The following THADA variants were observed in gnomAD, a reference collection of about 807,000 sequenced individuals.
THADA encodes the protein THADA armadillo repeat containing.
Under a neutral mutation model 219.8 loss-of-function variants are expected in THADA, and 213 were observed. The observed-to-expected ratio is 0.97, with a 90% CI of 0.87 to 1.09. The LOEUF is 1.09. Ranked by LOEUF, THADA falls within the 50% of genes least tolerant of loss-of-function variation. The probability of loss-of-function intolerance (pLI) is 0.00; values close to 1 mark genes in which losing one functional copy is unlikely to be tolerated. For synonymous variants in THADA, 1,018 were observed against 828.9 expected (o/e 1.23, Z -3.92); for missense variants, 2,956 against 2,311.3 (o/e 1.28, Z -5.72).
intron 36 of THADA, among the ~76,000 whole-genome samples, chr2:43,235,241 A>G (rs545693380): frequency 6.6e-6 from 1 of 152,088 alleles, no homozygotes; most frequent in East Asian, 1.9e-4. Context: ...CAGCCTTCCA[A>G]TGCGCTGGGA....
At chr2:43,432,261 A>G (rs1679455864) in intron 26 of THADA, among the ~76,000 whole-genome samples, 1 of 152,166 alleles carries the variant, frequency 6.6e-6, no homozygotes, top group Non-Finnish European at 1.5e-5. Context: ...AAGTTCTGGG[A>G]TTACAGGCGT....
At chr2:43,552,153 C>T in intron 18 of THADA, 51 bp downstream of exon 18, 2 of 1,573,356 alleles carry the variant, frequency 1.3e-6, no homozygotes, top group Non-Finnish European at 1.7e-6. Context: ...GAGGTTAAAG[C>T]TCAGAAATGA....
intron 21 of THADA, among the ~76,000 whole-genome samples, chr2:43,535,484 G>T (rs1317354375): frequency 6.6e-6 from 1 of 151,366 alleles, no homozygotes; most frequent in Non-Finnish European, 1.5e-5. Context: ...TCTGAGACCA[G>T]TCTGGCCAAC....
intron 31 of THADA, among the ~76,000 whole-genome samples, chr2:43,296,977 G>C (rs1325968845): frequency 7.6e-6 from 1 of 132,234 alleles, no homozygotes; most frequent in Admixed American, 7.5e-5. Flanking sequence ...TGGGAAGTGA[G>C]GAGTGTCTCT....
chr2:43,280,006 A>C, intron 35 of THADA, 110 bp from the exon 36 acceptor site: 2 of 1,100,222 alleles, frequency 1.8e-6, no homozygotes, highest in Non-Finnish European at 2.4e-6. Flanking sequence ...AGTTACAGCT[A>C]TCTCTTTTTT....
intron 24 of THADA, 146 bp downstream of exon 24, chr2:43,505,476 C>A: frequency 6.2e-6 from 3 of 481,808 alleles, no homozygotes; most frequent in Non-Finnish European, 1.1e-5. Context: ...ATTGCTTGAA[C>A]CTGGGAGGCG....
intron 26 of THADA, among the ~76,000 whole-genome samples, chr2:43,439,528 G>A (rs1229425845): frequency 1.3e-5 from 2 of 152,114 alleles, no homozygotes; most frequent in Non-Finnish European, 2.9e-5. Flanking sequence ...CAGATCAACT[G>A]TCCTGGTGTC....
intron 26 of THADA, among the ~76,000 whole-genome samples, chr2:43,447,750 C>G (rs1406257284): frequency 6.6e-6 from 1 of 152,148 alleles, no homozygotes; most frequent in African/African-American, 2.4e-5. Flanking sequence ...ACTAGTTTTA[C>G]CTAGTAGCTG....
chr2:43,363,556 G>A (rs1250649714), intron 29 of THADA, among the ~76,000 whole-genome samples: 1 of 152,182 alleles, frequency 6.6e-6, no homozygotes, highest in Non-Finnish European at 1.5e-5. Flanking sequence ...AAGAGAAAGA[G>A]GGAGATTTCT....
chr2:43,530,399 G>A (rs1405782869), intron 21 of THADA, among the ~76,000 whole-genome samples: 2 of 152,110 alleles, frequency 1.3e-5, no homozygotes, highest in African/African-American at 4.8e-5. Context: ...GCTGAAGCCC[G>A]ATAATCCTAT....
Position 43,592,035 on chromosome 2 carries a change from C to T in THADA, c.88G>A (p.Val30Met), listed in dbSNP as rs1701639283. Residue 30 changes from valine (V) to methionine (M), a missense_variant, in exon 3 of 38, where the codon GTG (valine) becomes ATG (methionine). Coordinates refer to ENST00000405975, the MANE Select transcript of THADA (RefSeq NM_022065.5). ...DLETLKSFADVEGKNLASLLL... is the reference protein window; with the variant it reads ...DLETLKSFADMEGKNLASLLL... ...AAAGAAGCTAGATTTTTCCCTTCCA[C>T]ATCAGCAAAAGCTATATAACATATA... The T allele has an allele frequency of 5.8e-6, 9 of 1,557,870 alleles. No individual in the cohort carries two copies. The East Asian group carries it at 2.1e-4, about 36-fold the overall frequency.
At chr2:43,508,278 G>C (rs1441291246) in intron 23 of THADA, among the ~76,000 whole-genome samples, 1 of 152,010 alleles carries the variant, frequency 6.6e-6, no homozygotes, top group Non-Finnish European at 1.5e-5. Flanking sequence ...GAGTATTGAA[G>C]GTCTTGAGAT....
At chr2:43,594,647 T>C (rs914400115) in intron 1 of THADA, among the ~76,000 whole-genome samples, 1 of 152,170 alleles carries the variant, frequency 6.6e-6, no homozygotes, top group Non-Finnish European at 1.5e-5. Flanking sequence ...AGGCCCTAAA[T>C]AATCTGACCC....
rs201735523 is a variant in THADA, at chr2:43,489,874, C to CAAAAAAAAAAAAAAAAAAAAAAA, written c.3745-4550_3745-4549insTTTTTTTTTTTTTTTTTTTTTTT. Among the ~76,000 whole-genome samples the CAAAAAAAAAAAAAAAAAAAAAAA allele has an allele frequency of 1.0e-3, 57 of 56,046 alleles. 2 individuals carry two copies. The highest frequency in any genetic ancestry group is 2.3e-3 in the African/African-American group (34 of 15,012). The allele number at this position is 56,046 out of a possible 152,430, so 36.8% of individuals were successfully genotyped here. On this transcript the variant is annotated intron_variant, in intron 25 of 37. Transcript: ENST00000405975. ...ATTTCCATATGTATTTTAAGATCTG[C>CAAAAAAAAAAAAAAAAAAAAAAA]AAAAAAAAAAAAAAAAAAAAGCTAG...
intron 35 of THADA, among the ~76,000 whole-genome samples, chr2:43,285,766 G>A (rs1673925624): frequency 6.6e-6 from 1 of 152,032 alleles, no homozygotes; most frequent in African/African-American, 2.4e-5. Flanking sequence ...GGTCAGGCTG[G>A]TCTCGAACTC....
rs570610807 is a variant in THADA at position 43,381,993 on chromosome 2, C to T, written c.4227+15978G>A. On this transcript the variant is annotated intron_variant, in intron 29 of 37. Transcript: ENST00000405975. Reference sequence around the variant, plus strand: ...CTCCCAAAAACCCATAATCCTAGTCCAACCATTAAAAAAGAACAAACAGAT... The same window carrying T: ...CTCCCAAAAACCCATAATCCTAGTCTAACCATTAAAAAAGAACAAACAGAT... 1.1e-3 allele frequency among the ~76,000 whole-genome samples: 170 copies of T among 152,126 alleles called. 1 individual carries two copies. The highest frequency in any genetic ancestry group is 4.0e-3 in the African/African-American group (164 of 41,488).
chr2:43,354,112 C>A (rs1017473908), intron 29 of THADA, among the ~76,000 whole-genome samples: 1 of 151,916 alleles, frequency 6.6e-6, no homozygotes, highest in Non-Finnish European at 1.5e-5. Context: ...TGAGCCACTG[C>A]GCCCGGCCAA....
chr2:43,496,802 G>A (rs960361377), intron 25 of THADA, among the ~76,000 whole-genome samples: 31 of 152,138 alleles, frequency 2.0e-4, no homozygotes, highest in African/African-American at 7.5e-4. Flanking sequence ...ATTACCATAT[G>A]ATATACCCAA....
intron 26 of THADA, among the ~76,000 whole-genome samples, chr2:43,434,712 GA>G (rs1679843696): frequency 6.6e-6 from 1 of 152,330 alleles, no homozygotes; most frequent in East Asian, 1.9e-4. Flanking sequence ...CCCATCTGCT[GA>G]GAGCTACTTC....
Sources: gnomAD v4.1 joint callset for allele counts (sites outside exome capture counted in the v4.1 genomes callset) on GRCh38, gnomAD v4.1.1 for gene constraint, MANE v1.5 for transcripts, NCBI Gene and HGNC (gene_info 2026-07-23, HGNC 2026-07-21) for gene names.